Variants in CCDC158 observed in about 807,000 individuals in gnomAD.
CCDC158 encodes the protein coiled-coil domain-containing protein 158.
Under a neutral mutation model 138.6 loss-of-function variants are expected in CCDC158, and 116 were observed. The ratio of observed to expected loss-of-function variants is 0.84; its 90% confidence interval spans 0.72 to 0.98. The LOEUF (loss-of-function observed/expected upper bound fraction) is 0.98, where lower values mean the gene tolerates loss of function less well. Ranked by LOEUF, CCDC158 falls within the 50% of genes least tolerant of loss-of-function variation. The pLI is 0.00. For missense variants in CCDC158, 1,265 were observed against 1,306.1 expected (o/e 0.97, Z 0.48); for synonymous variants, 436 against 442.4 (o/e 0.99, Z 0.18).
intron 20 of CCDC158, among the ~76,000 whole-genome samples, chr4:76,331,943 T>C (rs926051569): frequency 3.9e-5 from 6 of 152,218 alleles, no homozygotes; most frequent in African/African-American, 1.4e-4. Context: ...AAAGCTGTCT[T>C]TGATTATGGT....
intron 8 of CCDC158, among the ~76,000 whole-genome samples, chr4:76,382,393 T>A (rs1019661316): frequency 2.6e-5 from 4 of 152,104 alleles, no homozygotes; most frequent in Admixed American, 2.0e-4. Flanking sequence ...AAACAGCCAA[T>A]CCCAGGAGCC....
At chr4:76,329,665 T>C (rs1243658618) in intron 21 of CCDC158, among the ~76,000 whole-genome samples, 1 of 152,214 alleles carries the variant, frequency 6.6e-6, no homozygotes, top group Non-Finnish European at 1.5e-5. Flanking sequence ...ACATATAAGT[T>C]GAAGTAAACT....
chr4:76,326,270 G>C (rs187136334), intron 22 of CCDC158, among the ~76,000 whole-genome samples: 407 of 152,228 alleles, frequency 2.7e-3, no homozygotes, highest in Non-Finnish European at 5.0e-3. Flanking sequence ...TGATTAAATT[G>C]ACCTGGATGC....
chr4:76,413,607 T>G (rs911082260), intron 1 of CCDC158, among the ~76,000 whole-genome samples: 1 of 152,168 alleles, frequency 6.6e-6, no homozygotes, highest in Non-Finnish European at 1.5e-5. Context: ...TAGAGCACCC[T>G]GAATATATAT....
In CCDC158 at chr4:76,367,669, T is replaced by C. The variant is rs1345256339; in HGVS notation, c.1455A>G (p.Thr485=). 6.2e-7 allele frequency: 1 copy of C among 1,614,216 alleles called. No individual in the cohort carries two copies. Among genetic ancestry groups the C allele is most frequent in the Non-Finnish European group, 8.5e-7 (1 of 1,180,042 alleles). Reference sequence around the variant, plus strand: ...AGCTCTCCAGAGTCATTTTCTTGGCTGTCAACTCTTCTACTACTTTGCGCA... The same window carrying C: ...AGCTCTCCAGAGTCATTTTCTTGGCCGTCAACTCTTCTACTACTTTGCGCA... The part of the protein sequence containing the change: ...EMLRKVVEEL[T]AKKMTLESSE... The change falls in exon 12 of 25, where the codon ACA becomes ACG. Residue 485 remains threonine (T), a synonymous_variant. Transcript: ENST00000682701.
intron 24 of CCDC158, among the ~76,000 whole-genome samples, chr4:76,319,025 C>A (rs1439491598): frequency 6.6e-6 from 1 of 152,110 alleles, no homozygotes; most frequent in African/African-American, 2.4e-5. Flanking sequence ...GTAATCCCAG[C>A]ACTTTAGGAG....
chr4:76,418,044 T>C lies in CCDC158; in HGVS notation c.-117+2921A>G, dbSNP rs147900924. Among the ~76,000 whole-genome samples, 853 of 152,320 alleles carry C rather than the reference T, an allele frequency of 5.6e-3. 10 individuals are homozygous for C. The highest frequency in any genetic ancestry group is 0.019 in the African/African-American group (799 of 41,576). ...GTGAGGTTGGCGGAGGTAAAGCTCA[T>C]GGGGCCTTGAAAAGGCCACATACTG... On this transcript the variant is annotated intron_variant, in intron 1 of 24. Transcript: ENST00000682701.
chr4:76,396,785 G>A (rs1031960852), intron 3 of CCDC158, among the ~76,000 whole-genome samples: 2 of 151,934 alleles, frequency 1.3e-5, no homozygotes, highest in Admixed American at 6.6e-5. Flanking sequence ...TGCCCACCTC[G>A]GCCTCCCAAA....
At chr4:76,409,831 AAAAT>A (rs1023118630) in intron 2 of CCDC158, among the ~76,000 whole-genome samples, 9 of 152,086 alleles carry the variant, frequency 5.9e-5, no homozygotes, top group African/African-American at 2.2e-4. Context: ...ACTGTCTCAA[AAAAT>A]AAATAAATAA....
intron 18 of CCDC158, among the ~76,000 whole-genome samples, chr4:76,335,092 T>C (rs1054013397): frequency 5.3e-5 from 8 of 152,208 alleles, no homozygotes; most frequent in Admixed American, 3.9e-4. Context: ...CTATCTTACC[T>C]GGAAATTGTC....
At chr4:76,378,108 T>C (rs1296609454) in intron 9 of CCDC158, among the ~76,000 whole-genome samples, 1 of 152,230 alleles carries the variant, frequency 6.6e-6, no homozygotes, top group Non-Finnish European at 1.5e-5. Context: ...TAAAGTCCTG[T>C]CTAAATTCCA....
At chr4:76,365,767 T>G (rs1194862437) in intron 12 of CCDC158, among the ~76,000 whole-genome samples, 1 of 152,138 alleles carries the variant, frequency 6.6e-6, no homozygotes, top group African/African-American at 2.4e-5. Context: ...GGCAACTTGT[T>G]CAGAAACACC....
At chr4:76,407,925 CT>C (rs1431261461) in intron 2 of CCDC158, among the ~76,000 whole-genome samples, 1 of 152,110 alleles carries the variant, frequency 6.6e-6, no homozygotes, top group African/African-American at 2.4e-5. Flanking sequence ...TCATAACTCA[CT>C]ATGAATGCTT....
At chr4:76,344,856 G>A (rs1489589204) in intron 18 of CCDC158, 4 of 1,584,430 alleles carry the variant, frequency 2.5e-6, no homozygotes, top group Non-Finnish European at 3.5e-6. Context: ...GACCAAAGAA[G>A]AATTTGCCAA....
intron 2 of CCDC158, among the ~76,000 whole-genome samples, chr4:76,410,534 T>A (rs988827625): frequency 6.6e-6 from 1 of 152,180 alleles, no homozygotes; most frequent in Non-Finnish European, 1.5e-5. Context: ...ATGTTCTATT[T>A]AGATTCCTGG....
chr4:76,384,334 A>C lies in CCDC158; in HGVS notation c.480T>G (p.Leu160=), dbSNP rs778751636. 60 of 1,613,984 alleles carry C rather than the reference A, an allele frequency of 3.7e-5. No homozygotes were observed. Among genetic ancestry groups the C allele is most frequent in the Admixed American group, 6.7e-5 (4 of 60,002 alleles). The change falls in exon 6 of 25, where the codon CTT becomes CTG. Residue 160 remains leucine, a synonymous_variant. Coordinates refer to ENST00000682701, the MANE Select transcript of CCDC158 (RefSeq NM_001394954.1). ...TGCTGTCTTTCAGCATGTCCTCTTT[A>C]AGGCATTTGGCAGCTTCAAGTTCAT... The part of the protein sequence containing the change: ...TVHELEAAKC[L]KEDMLKDSNT...
intron 18 of CCDC158, among the ~76,000 whole-genome samples, chr4:76,339,877 T>C (rs1258546498): frequency 6.6e-6 from 1 of 152,200 alleles, no homozygotes; most frequent in Non-Finnish European, 1.5e-5. Flanking sequence ...AACTCATCTT[T>C]TCACACAGCT....
intron 7 of CCDC158, 141 bp downstream of exon 7, chr4:76,383,521 A>C (rs1261666598): frequency 1.8e-5 from 11 of 614,628 alleles, no homozygotes; most frequent in Admixed American, 3.0e-5. Flanking sequence ...AGGAAAACAA[A>C]ATGTTAACAT....
At chr4:76,342,622 A>C (rs1511818) in intron 18 of CCDC158, among the ~76,000 whole-genome samples, 33,960 of 152,144 alleles carry the variant, frequency 0.22, 3,987 homozygotes, top group Middle Eastern at 0.29. Context: ...CTGCTTATAA[A>C]CTTGGCATTA....
Sources: allele counts gnomAD v4.1 joint callset (sites outside exome capture counted in the v4.1 genomes callset), GRCh38; gene constraint gnomAD v4.1.1; transcripts MANE v1.5; gene names NCBI Gene and HGNC (gene_info 2026-07-23, HGNC 2026-07-21).